NPAS3: variants seen among roughly 807,000 people sequenced by gnomAD.
NPAS3 encodes neuronal PAS domain-containing protein 3.
NPAS3 carries 14 observed loss-of-function variants against 73.1 expected under a neutral mutation model. The observed-to-expected ratio is 0.19, with a 90% CI of 0.13 to 0.30. The LOEUF is 0.30. Among genes scored for constraint, NPAS3 ranks in the 10% least tolerant of loss-of-function variants. The probability of loss-of-function intolerance (pLI) is 1.00; values close to 1 mark genes in which losing one functional copy is unlikely to be tolerated. For synonymous variants in NPAS3, 620 were observed against 541.5 expected, an observed-to-expected ratio of 1.14 and a Z score of -2.01; for missense variants, 1,096 against 1,250.0, an observed-to-expected ratio of 0.88 and a Z score of 1.86.
In NPAS3 at chr14:33,299,599, T is replaced by TTCTG. The variant is rs1594633679; in HGVS notation, c.386-67586_386-67585insCTGT. 6.6e-5 allele frequency among the ~76,000 whole-genome samples: 10 copies of TTCTG among 151,632 alleles called. No homozygotes were observed. The East Asian group carries it at 1.9e-3, about 29-fold the overall frequency. ...CTGAAATCCTAGAAGCTAGTTTCTT[T>TTCTG]TTTTTGTGTGCTTAAGTCTGAGCTC... On this transcript the variant is annotated intron_variant, in intron 3 of 11. Coordinates refer to ENST00000356141, the Ensembl canonical transcript of NPAS3.
intron 6 of NPAS3, among the ~76,000 whole-genome samples, chr14:33,678,543 T>C (rs1255556182): frequency 6.6e-6 from 1 of 152,142 alleles, no homozygotes; most frequent in Non-Finnish European, 1.5e-5. Context: ...GAGAACCCTC[T>C]AAAAATACAG....
At chr14:33,233,772 C>T (rs544734635) in intron 3 of NPAS3, among the ~76,000 whole-genome samples, 3 of 152,138 alleles carry the variant, frequency 2.0e-5, no homozygotes, top group East Asian at 3.9e-4. Context: ...ACTCAGTATT[C>T]GTACTTGAGG....
chr14:33,484,204 G>T (rs539841767), intron 4 of NPAS3, among the ~76,000 whole-genome samples: 28 of 152,296 alleles, frequency 1.8e-4, no homozygotes, highest in African/African-American at 6.7e-4. Flanking sequence ...GGACGGCAGG[G>T]TTGTAGTTGT....
chr14:33,802,809 C>G (rs1051944800), downstream of NPAS3: 5 of 152,160 alleles, frequency 3.3e-5, no homozygotes, highest in African/African-American at 1.2e-4. Context: ...GTCTGTGAAT[C>G]TTCCGTTTTA....
chr14:33,617,538 A>C (rs1298134138), intron 5 of NPAS3, among the ~76,000 whole-genome samples: 16 of 152,196 alleles, frequency 1.1e-4, no homozygotes, highest in Admixed American at 3.9e-4. Context: ...AACCTTTGTT[A>C]TATCTCTCTT....
At chr14:33,705,247 C>CTCCT (rs1214218698) in intron 6 of NPAS3, among the ~76,000 whole-genome samples, 3 of 152,214 alleles carry the variant, frequency 2.0e-5, no homozygotes, top group Non-Finnish European at 2.9e-5. Context: ...CATCCTCTCT[C>CTCCT]TCCTTCCTTC....
chr14:33,082,508 C>T lies in NPAS3; in HGVS notation c.140+26514C>T, dbSNP rs75775435. Reference sequence around the variant, plus strand: ...TTCTGCCACTACCATTGTGTTTTACCGTGTCGATTTGACACTCCCTTCTTG... The same window carrying T: ...TTCTGCCACTACCATTGTGTTTTACTGTGTCGATTTGACACTCCCTTCTTG... On this transcript the variant is annotated intron_variant, in intron 2 of 11. Coordinates refer to ENST00000356141, the Ensembl canonical transcript of NPAS3. Among the ~76,000 whole-genome samples the T allele has an allele frequency of 3.1e-3, 478 of 152,212 alleles. 3 individuals are homozygous for T. Among genetic ancestry groups the T allele is most frequent in the African/African-American group, 0.011 (457 of 41,530 alleles).
chr14:33,655,784 T>C (rs972548654), intron 5 of NPAS3, among the ~76,000 whole-genome samples: 1 of 152,174 alleles, frequency 6.6e-6, no homozygotes, highest in African/African-American at 2.4e-5. Flanking sequence ...CAAGAACTTG[T>C]ACCCCCTCAT....
At chr14:33,727,350 A>G (rs1364631174) in intron 6 of NPAS3, among the ~76,000 whole-genome samples, 1 of 152,186 alleles carries the variant, frequency 6.6e-6, no homozygotes, top group Admixed American at 6.6e-5. Context: ...ACAGCTGCTC[A>G]TGCTGTGATA....
chr14:33,630,143 G>T (rs1429573445), intron 5 of NPAS3, among the ~76,000 whole-genome samples: 2 of 152,124 alleles, frequency 1.3e-5, no homozygotes, highest in Non-Finnish European at 2.9e-5. Context: ...TCCACTGAGA[G>T]AAAGCACCAT....
At chr14:33,347,774 A>G (rs2044815946) in intron 3 of NPAS3, among the ~76,000 whole-genome samples, 3 of 152,214 alleles carry the variant, frequency 2.0e-5, no homozygotes, top group Non-Finnish European at 2.9e-5. Context: ...ATAACACCCA[A>G]TACAATATAA....
chr14:33,249,698 C>T (rs1368447854), intron 3 of NPAS3, among the ~76,000 whole-genome samples: 1 of 152,122 alleles, frequency 6.6e-6, no homozygotes, highest in East Asian at 1.9e-4. Flanking sequence ...TGCCGCTTTA[C>T]AGTTCAGTTT....
rs188225660 is a variant in NPAS3, at chr14:33,623,670, G to T, written c.559-52541G>T. 1.9e-4 allele frequency among the ~76,000 whole-genome samples: 29 copies of T among 152,236 alleles called. 1 individual carries two copies. Among genetic ancestry groups the T allele is most frequent in the Admixed American group, 7.8e-4 (12 of 15,288 alleles). ...CCATCTTAGAGAAAAAGCCAAAATTGCTATAAGCCCTCTGTGACCTGCCAA... is the reference window on the plus strand; with the variant it reads ...CCATCTTAGAGAAAAAGCCAAAATTTCTATAAGCCCTCTGTGACCTGCCAA... On this transcript the variant is annotated intron_variant, in intron 5 of 11. Coordinates refer to ENST00000356141, the Ensembl canonical transcript of NPAS3.
chr14:33,561,664 C>T (rs2055657467), intron 5 of NPAS3, among the ~76,000 whole-genome samples: 2 of 152,122 alleles, frequency 1.3e-5, no homozygotes, highest in African/African-American at 2.4e-5. Context: ...CACCATGTCG[C>T]GATGTTGTTA....
chr14:33,013,848 A>C (rs975054895), intron 1 of NPAS3, among the ~76,000 whole-genome samples: 4 of 152,128 alleles, frequency 2.6e-5, no homozygotes, highest in Non-Finnish European at 5.9e-5. Flanking sequence ...TGTTAGGGTA[A>C]ATTTAGACAG....
At chr14:33,080,762 A>G (rs1259266357) in intron 2 of NPAS3, among the ~76,000 whole-genome samples, 1 of 152,226 alleles carries the variant, frequency 6.6e-6, no homozygotes, top group Non-Finnish European at 1.5e-5. Flanking sequence ...GTGACATCAC[A>G]GGAAAGCGTG....
chr14:33,582,155 T>A (rs1040702189), intron 5 of NPAS3: 5 of 152,222 alleles, frequency 3.3e-5, no homozygotes, highest in African/African-American at 1.2e-4. Context: ...CAAATTGTTC[T>A]CCAGAAAGAT....
intron 1 of NPAS3, among the ~76,000 whole-genome samples, chr14:32,990,977 T>C (rs2038310384): frequency 1.4e-5 from 2 of 144,414 alleles, no homozygotes; most frequent in African/African-American, 5.4e-5. Flanking sequence ...GATTAATCCA[T>C]TTGTCAAAGT....
At chr14:33,051,650 C>G (rs1016054718) in intron 1 of NPAS3, among the ~76,000 whole-genome samples, 1 of 152,148 alleles carries the variant, frequency 6.6e-6, no homozygotes, top group African/African-American at 2.4e-5. Flanking sequence ...AAACAGAGAA[C>G]GGATACCTTG....
Sources: gnomAD v4.1 joint callset for allele counts (sites outside exome capture counted in the v4.1 genomes callset) on GRCh38, gnomAD v4.1.1 for gene constraint, MANE v1.5 for transcripts, NCBI Gene and HGNC (gene_info 2026-07-23, HGNC 2026-07-21) for gene names.